Variants in PLEC observed in about 807,000 individuals in gnomAD.
PLEC encodes hemidesmosomal protein 1.
Under a neutral mutation model 392.8 loss-of-function variants are expected in PLEC, and 216 were observed. The ratio of observed to expected loss-of-function variants is 0.55; its 90% CI spans 0.49 to 0.62. The LOEUF (loss-of-function observed/expected upper bound fraction) is 0.62, where lower values mean the gene tolerates loss of function less well. Among genes scored for constraint, PLEC ranks in the 20% least tolerant of loss-of-function variants. The pLI is 0.00. For synonymous variants in PLEC, 3,621 were observed against 2,980.6 expected (o/e 1.21, Z -7.00); for missense variants, 6,863 against 6,563.4 (o/e 1.05, Z -1.58).
chr8:143,922,493 G>C lies in PLEC; in HGVS notation c.7425+11C>G, dbSNP rs781788873. 3 of 1,606,622 alleles carry C rather than the reference G, an allele frequency of 1.9e-6. No individual in the cohort carries two copies. Among genetic ancestry groups the C allele is most frequent in the South Asian group, 2.2e-5 (2 of 91,094 alleles). On this transcript the variant is annotated intron_variant, in intron 31 of 31. Coordinates refer to ENST00000345136, the MANE Select transcript of PLEC (RefSeq NM_201384.3). The stretch of plus-strand genomic sequence containing the variant: ...GGCCCACCCGCCCGTCGCACGTAGA[G>C]GGGGCGGTACCTCCTCAGACTTGAG...
rs573561262 is a variant in PLEC, at chr8:143,927,217, G to A, written c.3840+35C>T. 223 of 1,603,122 alleles carry A rather than the reference G, an allele frequency of 1.4e-4. 2 individuals carry two copies. Among genetic ancestry groups the A allele is most frequent in the South Asian group, 5.3e-4 (48 of 90,906 alleles). ...CCGCCATCATCCTGGCAACGGTCCC[G>A]GACTTGGGGCCTGGTGCAGGCGGCT... On this transcript the variant is annotated intron_variant, in intron 28 of 31. Transcript: ENST00000345136.
upstream of PLEC, among the ~76,000 whole-genome samples, chr8:143,957,146 C>T (rs538012680): frequency 1.8e-4 from 27 of 152,202 alleles, no homozygotes; most frequent in East Asian, 3.7e-3. Flanking sequence ...GAAGGGCCCA[C>T]GAGCAAGAGA....
At chr8:143,926,707 G>A (rs1004131169) in intron 30 of PLEC, 77 bp downstream of exon 30, 5 of 1,216,214 alleles carry the variant, frequency 4.1e-6, no homozygotes, top group Non-Finnish European at 6.1e-6. Flanking sequence ...GCCTCAGGCA[G>A]CTCCTGTGGC....
upstream of PLEC, among the ~76,000 whole-genome samples, chr8:143,954,338 G>A (rs1380154006): frequency 8.4e-5 from 4 of 47,770 alleles, no homozygotes; most frequent in Admixed American, 1.6e-4. The surrounding 1 kb of genome is among the most constrained non-coding windows in gnomAD (Gnocchi z 4.6). Context: ...CCCCTTCCCC[G>A]GGCGTCTCGC....
At chr8:143,940,080 T>TC (rs1261354209), upstream of PLEC, among the ~76,000 whole-genome samples, 1 of 152,130 alleles carries the variant, frequency 6.6e-6, no homozygotes, top group African/African-American at 2.4e-5. Flanking sequence ...GCCTGTCAGC[T>TC]CTTGCAGCCC....
upstream of PLEC, among the ~76,000 whole-genome samples, chr8:143,941,748 T>C (rs1177637109): frequency 2.5e-5 from 3 of 122,128 alleles, no homozygotes; most frequent in African/African-American, 9.4e-5. Flanking sequence ...CCAGCCAGGC[T>C]ACACCCACCC....
chr8:143,941,021 G>A, upstream of PLEC, among the ~76,000 whole-genome samples: 1 of 152,232 alleles, frequency 6.6e-6, no homozygotes, highest in Non-Finnish European at 1.5e-5. Flanking sequence ...ACCCCGCACT[G>A]GTCAGCACCT....
At position 143,924,982 on chromosome 8, in the gene PLEC, C is replaced by A; in HGVS notation, c.4947G>T (p.Glu1649Asp). The A allele has an allele frequency of 6.3e-7, 1 of 1,578,344 alleles. No homozygotes were observed. Among genetic ancestry groups the A allele is most frequent in the East Asian group, 2.3e-5 (1 of 43,546 alleles). ...NEALRLRLQA[E>D]EVAQQKSLAQ... ...CCAGGCTCTTCTGCTGCGCCACCTC[C>A]TCCGCCTGCAGCCGCAGCCGTAGCG... The change falls in exon 31 of 32, where the codon GAG becomes GAT. Residue 1649 changes from glutamate (E) to aspartate (D), a missense_variant. Transcript: ENST00000345136.
At chr8:143,933,492 C>T in intron 12 of PLEC, 141 bp from the exon 13 acceptor site, 1 of 986,698 alleles carries the variant, frequency 1.0e-6, no homozygotes, top group Non-Finnish European at 1.6e-6. Context: ...CCTTCCCTCC[C>T]TGCCCACCTC....
In PLEC at chr8:143,927,888, A is replaced by G. The variant is rs574627765; in HGVS notation, c.3365T>C (p.Leu1122Pro). Residue 1122 changes from leucine (L) to proline (P), a missense_variant, in exon 26 of 32, where the codon CTC becomes CCC. Leu to Pro is a moderately conservative substitution (Grantham distance 98). Coordinates refer to ENST00000345136, the MANE Select transcript of PLEC (RefSeq NM_201384.3). ...LKEAQAVPAT[L>P]PELEATKASL... ...GGCCTTGGTGGCCTCGAGCTCCGGG[A>G]GGGTGGCCGGCACGGCCTGGGCCTC... 1 of 1,593,294 alleles carries G rather than the reference A, an allele frequency of 6.3e-7. No individual in the cohort carries two copies.
At chr8:143,932,591 C>A in intron 15 of PLEC, 30 bp from the exon 16 acceptor site, 7 of 1,612,236 alleles carry the variant, frequency 4.3e-6, no homozygotes, top group Non-Finnish European at 5.9e-6. Flanking sequence ...TGTCAGCAGG[C>A]CGCGGGCTAC....
chr8:143,942,533 C>A, upstream of PLEC: 3 of 1,553,206 alleles, frequency 1.9e-6, no homozygotes, highest in South Asian at 2.3e-5. Flanking sequence ...ACGGCCGGAG[C>A]CCTGGTTCGG....
chr8:143,934,352 C>T lies in PLEC; in HGVS notation c.1135G>A (p.Glu379Lys), dbSNP rs782428063. 6.8e-6 allele frequency: 11 copies of T among 1,612,464 alleles called. No homozygotes were observed. The highest frequency in any genetic ancestry group is 8.5e-6 in the Non-Finnish European group (10 of 1,179,960). The part of the protein sequence containing the change: ...EWGKLHVAIL[E>K]REKQLRSEFE... Reference sequence around the variant, plus strand: ...TCGCTGCGGAGCTGCTTCTCCCGCTCCAGGATGGCCACGTGCAGCTTGCCC... The same window carrying T: ...TCGCTGCGGAGCTGCTTCTCCCGCTTCAGGATGGCCACGTGCAGCTTGCCC... The change falls in exon 11 of 32, where the codon GAG becomes AAG. Residue 379 changes from glutamate to lysine, a missense_variant. Coordinates refer to ENST00000345136, the MANE Select transcript of PLEC (RefSeq NM_201384.3).
In PLEC at chr8:143,927,279, A is replaced by G. The variant is rs782297575; in HGVS notation, c.3813T>C (p.Phe1271=). 6.2e-7 allele frequency: 1 copy of G among 1,613,266 alleles called. No individual in the cohort carries two copies. Among genetic ancestry groups the G allele is most frequent in the Non-Finnish European group, 8.5e-7 (1 of 1,179,936 alleles). The change falls in exon 28 of 32, where the codon TTT becomes TTC. Residue 1271 remains phenylalanine (F), a synonymous_variant. Coordinates refer to ENST00000345136, the MANE Select transcript of PLEC (RefSeq NM_201384.3). Reference sequence around the variant, plus strand: ...TGATGGCGTTGATGTACTGTTTCGCAAACCTCTGGCACTCCTCGACCTTCT... The same window carrying G: ...TGATGGCGTTGATGTACTGTTTCGCGAACCTCTGGCACTCCTCGACCTTCT... ...HGEKVEECQR[F]AKQYINAIKD...
At chr8:143,945,344 C>T in intron 1 of PLEC, 1 of 371,886 alleles carries the variant, frequency 2.7e-6, no homozygotes, top group South Asian at 2.0e-5. Context: ...TGGCCTGGCT[C>T]CACCCAGGAG....
In PLEC at chr8:143,920,938, C is replaced by G. The variant is rs781954954; in HGVS notation, c.8883G>C (p.Thr2961=). 1.2e-5 allele frequency: 20 copies of G among 1,612,978 alleles called. No homozygotes were observed. The highest frequency in any genetic ancestry group is 1.7e-5 in the Non-Finnish European group (20 of 1,180,028). ...CCTTCTGCTCCTGCTCCTCCACCAC[C>G]GTGATGATGATCTTGATGATCTTCT... is the stretch of plus-strand genomic sequence containing the variant. ...TVEKIIKIII[T]VVEEQEQKGR... is the part of the protein sequence containing the mutation. The change falls in exon 32 of 32, where the codon ACG becomes ACC. Residue 2961 remains threonine (T), a synonymous_variant. Transcript: ENST00000345136.
upstream of PLEC, among the ~76,000 whole-genome samples, chr8:143,942,209 G>C (rs559315462): frequency 3.9e-5 from 6 of 152,094 alleles, no homozygotes; most frequent in East Asian, 1.9e-4. Flanking sequence ...AAACAAATGG[G>C]GGTAGGGGAA....
Position 143,924,672 on chromosome 8 carries a change from G to C in PLEC, c.5257C>G (p.Leu1753Val), listed in dbSNP as rs1023956161. 5 of 1,534,876 alleles carry C rather than the reference G, an allele frequency of 3.3e-6. No homozygotes were observed. In the African/African-American group the frequency reaches 5.5e-5, roughly 17 times the overall value. Residue 1753 changes from leucine (L) to valine (V), a missense_variant, in exon 31 of 32, where the codon CTG becomes GTG. By Grantham distance (32) the Leu-to-Val change is conservative. Transcript: ENST00000345136. ...AAAATQKRQE[L>V]EAELAKVRAE... Reference sequence around the variant, plus strand: ...CGCACCTTGGCCAGCTCGGCTTCCAGCTCCTGCCGTTTCTGCGTGGCTGCA... The same window carrying C: ...CGCACCTTGGCCAGCTCGGCTTCCACCTCCTGCCGTTTCTGCGTGGCTGCA...
chr8:143,923,293 C>T lies in PLEC; in HGVS notation c.6636G>A (p.Leu2212=), dbSNP rs782196411. 20 of 1,608,586 alleles carry T rather than the reference C, an allele frequency of 1.2e-5. No individual in the cohort carries two copies. Among genetic ancestry groups the T allele is most frequent in the Non-Finnish European group, 1.6e-5 (19 of 1,179,716 alleles). ...KNLLDEELQR[L]KAEATEAARQ... ...GTGCGGCCTCCGTGGCCTCCGCCTT[C>T]AGCCGCTGCAGCTCCTCGTCCAGCA... Residue 2212 remains leucine (L), a synonymous_variant, in exon 31 of 32, where the codon CTG becomes CTA. Coordinates refer to ENST00000345136, the MANE Select transcript of PLEC (RefSeq NM_201384.3).
Sources: allele counts gnomAD v4.1 joint callset (sites outside exome capture counted in the v4.1 genomes callset), GRCh38; gene constraint gnomAD v4.1.1; non-coding constraint Gnocchi (gnomAD v3.1); transcripts MANE v1.5; gene names NCBI Gene and HGNC (gene_info 2026-07-23, HGNC 2026-07-21).